Variants in KAZN observed in about 807,000 individuals in gnomAD.
KAZN encodes kazrin, periplakin interacting protein.
A neutral mutation model predicts 87.4 loss-of-function variants in KAZN; 40 were observed. That is an observed-to-expected ratio of 0.46 (90% CI 0.36 to 0.60). KAZN has a LOEUF of 0.60. KAZN is among the 20% of genes least tolerant of loss of function. The pLI, the probability that KAZN is intolerant of heterozygous loss-of-function variation, is 0.00. For synonymous variants in KAZN, 466 were observed against 458.3 expected (o/e 1.02, Z -0.22); for missense variants, 898 against 1,073.9 (o/e 0.84, Z 2.29).
chr1:14,071,065 A>G (rs908265383), intron 1 of KAZN, among the ~76,000 whole-genome samples: 1 of 151,988 alleles, frequency 6.6e-6, no homozygotes, highest in African/African-American at 2.4e-5. Context: ...AACCCCACCC[A>G]TGGGCGAAAC....
intron 1 of KAZN, among the ~76,000 whole-genome samples, chr1:14,697,140 CAAAAAAAA>C (rs1172632955): frequency 3.0e-5 from 2 of 67,786 alleles, no homozygotes; most frequent in African/African-American, 9.9e-5. Context: ...AACAAACCAA[CAAAAAAAA>C]AAAAAAAAAG....
At chr1:14,274,143 G>A (rs1015826215) in intron 2 of KAZN, among the ~76,000 whole-genome samples, 7 of 152,196 alleles carry the variant, frequency 4.6e-5, no homozygotes, top group African/African-American at 1.7e-4. Flanking sequence ...CATGGGTTGT[G>A]AGCTACAAAC....
At chr1:14,179,187 T>TC (rs1297032366) in intron 1 of KAZN, among the ~76,000 whole-genome samples, 2 of 152,216 alleles carry the variant, frequency 1.3e-5, no homozygotes, top group Non-Finnish European at 2.9e-5. Context: ...TCTTTGGAGA[T>TC]CTAGGTGTAG....
At chr1:14,699,095 C>T (rs1464396495) in intron 1 of KAZN, among the ~76,000 whole-genome samples, 4 of 152,234 alleles carry the variant, frequency 2.6e-5, no homozygotes, top group Middle Eastern at 3.4e-3. Context: ...ATACCTTCAA[C>T]CAGAGCAGAA....
intron 2 of KAZN, among the ~76,000 whole-genome samples, chr1:14,404,186 T>C (rs958324674): frequency 6.6e-6 from 1 of 152,142 alleles, no homozygotes. Context: ...GACGCTGTAT[T>C]ACCTGCTTTT....
chr1:14,833,574 C>T (rs963515), intron 1 of KAZN, among the ~76,000 whole-genome samples: 31,090 of 151,732 alleles, frequency 0.2, 4,145 homozygotes, highest in African/African-American at 0.38. Flanking sequence ...GTCCTCTACC[C>T]CCCCCAGGCC....
intron 2 of KAZN, among the ~76,000 whole-genome samples, chr1:14,266,080 A>G (rs1486950138): frequency 6.6e-6 from 1 of 152,196 alleles, no homozygotes; most frequent in Non-Finnish European, 1.5e-5. Context: ...GGGAGGGTGA[A>G]TGAATGGATG....
rs377467211 is a variant in KAZN, at chr1:14,643,166, T to C, written c.226+43943T>C. 1.2e-4 allele frequency among the ~76,000 whole-genome samples: 18 copies of C among 152,370 alleles called. No homozygotes were observed. The East Asian group carries it at 3.3e-3, about 28-fold the overall frequency. On this transcript the variant is annotated intron_variant, in intron 1 of 14. Coordinates refer to ENST00000376030, the MANE Select transcript of KAZN (RefSeq NM_201628.3). ...CTCCACAATAAAAAGGAATGGATTT[T>C]TTTTAACTTTTATTTTAGGTTCAGA...
At chr1:14,197,706 A>G (rs1381478174) in intron 2 of KAZN, among the ~76,000 whole-genome samples, 3 of 152,172 alleles carry the variant, frequency 2.0e-5, no homozygotes, top group Admixed American at 2.0e-4. Context: ...CAATAACAAC[A>G]ACAAAAAAGA....
At chr1:14,427,738 G>T (rs371549162) in intron 2 of KAZN, among the ~76,000 whole-genome samples, 1 of 152,048 alleles carries the variant, frequency 6.6e-6, no homozygotes, top group Non-Finnish European at 1.5e-5. Context: ...TGAGTTTGCC[G>T]CCCACCAAGC....
At chr1:14,865,178 C>T (rs901486597) in intron 1 of KAZN, among the ~76,000 whole-genome samples, 1 of 152,116 alleles carries the variant, frequency 6.6e-6, no homozygotes, top group Admixed American at 6.6e-5. Flanking sequence ...TCAGGGACAC[C>T]GTTCTCACCA....
At chr1:14,050,644 T>C (rs1168234683) in intron 1 of KAZN, among the ~76,000 whole-genome samples, 1 of 152,188 alleles carries the variant, frequency 6.6e-6, no homozygotes, top group African/African-American at 2.4e-5. Context: ...ATGTGGGGAT[T>C]ACAATTCGAG....
chr1:15,003,429 C>T (rs781614115), intron 2 of KAZN, among the ~76,000 whole-genome samples: 12 of 152,132 alleles, frequency 7.9e-5, no homozygotes, highest in Non-Finnish European at 1.8e-4. Flanking sequence ...GTCAGGGTGT[C>T]TACATACGTC....
intron 1 of KAZN, among the ~76,000 whole-genome samples, chr1:14,059,429 T>C (rs1642702012): frequency 6.6e-6 from 1 of 152,120 alleles, no homozygotes; most frequent in Admixed American, 6.5e-5. Context: ...GAAAGAAATA[T>C]CCAGCACAGG....
At chr1:14,549,814 T>G (rs2148509594) in intron 2 of KAZN, among the ~76,000 whole-genome samples, 1 of 152,216 alleles carries the variant, frequency 6.6e-6, no homozygotes, top group Non-Finnish European at 1.5e-5. Context: ...ACCATGCCTC[T>G]TGGATGCTAT....
intron 1 of KAZN, among the ~76,000 whole-genome samples, chr1:14,646,761 C>CT (rs1680842315): frequency 6.6e-6 from 1 of 152,204 alleles, no homozygotes; most frequent in Non-Finnish European, 1.5e-5. Flanking sequence ...ACTGGCTAGT[C>CT]TGAGTATGTT....
chr1:14,936,400 A>G (rs1176522642), intron 1 of KAZN, among the ~76,000 whole-genome samples: 1 of 152,124 alleles, frequency 6.6e-6, no homozygotes, highest in Non-Finnish European at 1.5e-5. Context: ...GGGGCGACCA[A>G]ATTGTCCTGT....
At chr1:14,952,215 C>A (rs1050346690) in intron 1 of KAZN, among the ~76,000 whole-genome samples, 1 of 150,872 alleles carries the variant, frequency 6.6e-6, no homozygotes, top group African/African-American at 2.5e-5. Flanking sequence ...TGGGACCATT[C>A]TCTAGGCATC....
At chr1:14,290,401 C>A (rs901522421) in intron 2 of KAZN, among the ~76,000 whole-genome samples, 5 of 152,240 alleles carry the variant, frequency 3.3e-5, no homozygotes, top group African/African-American at 1.2e-4. Flanking sequence ...CTCTAAACTT[C>A]TCTTCCTGCT....
Sources: allele counts gnomAD v4.1 joint callset (sites outside exome capture counted in the v4.1 genomes callset), GRCh38; gene constraint gnomAD v4.1.1; transcripts MANE v1.5; gene names NCBI Gene and HGNC (gene_info 2026-07-23, HGNC 2026-07-21).